Variants in ACTR3C observed in about 807,000 individuals in gnomAD.
ACTR3C encodes the protein actin related protein 3C.
ACTR3C carries 18 observed loss-of-function variants against 26.3 expected under a neutral mutation model. That is an observed-to-expected ratio of 0.68 (90% CI 0.47 to 1.01). The LOEUF (loss-of-function observed/expected upper bound fraction) is 1.01, where lower values mean the gene tolerates loss of function less well. Among genes scored for constraint, ACTR3C ranks in the 50% least tolerant of loss-of-function variants. The pLI, the probability that ACTR3C is intolerant of heterozygous loss-of-function variation, is 0.00. For synonymous variants in ACTR3C, 55 were observed against 94.5 expected, an observed-to-expected ratio of 0.58 and a Z score of 2.42; for missense variants, 184 against 250.7, an observed-to-expected ratio of 0.73 and a Z score of 1.80.
At chr7:150,109,565 C>T in the ACTR3C span, among the ~76,000 whole-genome samples, 3 of 150,736 alleles carry the variant, frequency 2.0e-5, no homozygotes, top group African/African-American at 7.4e-5. Flanking sequence ...CGACCACAGT[C>T]TCGTGGCCTT....
the ACTR3C span, among the ~76,000 whole-genome samples, chr7:149,950,213 G>A: frequency 3.9e-5 from 3 of 76,306 alleles, no homozygotes; most frequent in Admixed American, 4.4e-4. Context: ...AAATATAGAG[G>A]TGACATAACA....
At chr7:150,039,696 CG>C in the ACTR3C span, among the ~76,000 whole-genome samples, 14 of 124,402 alleles carry the variant, frequency 1.1e-4, no homozygotes, top group African/African-American at 4.2e-4. Context: ...GGTCCTAAGC[CG>C]GGGGGGAAGA....
intron 1 of ACTR3C, among the ~76,000 whole-genome samples, chr7:150,307,243 C>T (rs1795866677): frequency 6.6e-6 from 1 of 152,204 alleles, no homozygotes; most frequent in Non-Finnish European, 1.5e-5. Flanking sequence ...TGGTTCATGT[C>T]AGGCCTCTGA....
chr7:150,033,919 G>A, the ACTR3C span, among the ~76,000 whole-genome samples: 8 of 151,784 alleles, frequency 5.3e-5, no homozygotes, highest in Non-Finnish European at 1.0e-4. Context: ...CGTCGCGAGG[G>A]GTGCCTCCCC....
the ACTR3C span, among the ~76,000 whole-genome samples, chr7:150,084,207 T>C: frequency 6.6e-6 from 1 of 151,440 alleles, no homozygotes; most frequent in Admixed American, 6.6e-5. Context: ...AGATGTTTTA[T>C]TACTATGTAT....
chr7:149,984,842 G>A, the ACTR3C span, among the ~76,000 whole-genome samples: 1 of 152,176 alleles, frequency 6.6e-6, no homozygotes, highest in Non-Finnish European at 1.5e-5. Context: ...GGGAGTAAAG[G>A]AGGGCAAATT....
chr7:149,907,478 T>TTCTCTCTCTCTCTCTCTCTCTCTCTC, the ACTR3C span, among the ~76,000 whole-genome samples: 9 of 97,606 alleles, frequency 9.2e-5, no homozygotes, highest in African/African-American at 3.2e-4. Flanking sequence ...CTCTCTTCTC[T>TTCTCTCTCTCTCTCTCTCTCTCTCTC]TCTCTCTCTC....
chr7:150,155,253 C>T, the ACTR3C span, among the ~76,000 whole-genome samples: 5 of 152,204 alleles, frequency 3.3e-5, no homozygotes, highest in South Asian at 4.2e-4. Context: ...AAAACACCAC[C>T]GAAGCAGCAT....
At chr7:150,250,202 C>CT (rs1192764981) in intron 6 of ACTR3C, among the ~76,000 whole-genome samples, 13,147 of 125,384 alleles carry the variant, frequency 0.1, 1,148 homozygotes, top group East Asian at 0.13. Context: ...CAGAATCTGA[C>CT]TTTTTTTTTT....
At chr7:150,294,520 G>A (rs2531044) in intron 2 of ACTR3C, among the ~76,000 whole-genome samples, 2 of 152,230 alleles carry the variant, frequency 1.3e-5, no homozygotes, top group South Asian at 2.1e-4. Flanking sequence ...GTAGTTAAAT[G>A]AATTTGGAAG....
At chr7:149,965,941 C>T in the ACTR3C span, among the ~76,000 whole-genome samples, 2 of 152,314 alleles carry the variant, frequency 1.3e-5, no homozygotes, top group South Asian at 4.1e-4. Flanking sequence ...CAGTCAGGAC[C>T]CTTGGCTCCG....
chr7:150,282,293 C>G (rs1213336722), intron 6 of ACTR3C, among the ~76,000 whole-genome samples: 2 of 151,340 alleles, frequency 1.3e-5, no homozygotes, highest in Non-Finnish European at 2.9e-5. Flanking sequence ...AGCCTACTGC[C>G]GACCACACCA....
At chr7:149,947,939 T>C in the ACTR3C span, among the ~76,000 whole-genome samples, 1 of 151,798 alleles carries the variant, frequency 6.6e-6, no homozygotes. Context: ...TTTCCTCGTG[T>C]CAATGTTATA....
chr7:150,249,129 C>G, intron 6 of ACTR3C, 75 bp from the exon 7 acceptor site: 2 of 482,770 alleles, frequency 4.1e-6, no homozygotes, highest in East Asian at 3.2e-5. Flanking sequence ...CATTTGTATA[C>G]TTGGAGTCCA....
the ACTR3C span, among the ~76,000 whole-genome samples, chr7:150,213,909 C>A: frequency 6.9e-6 from 1 of 144,022 alleles, no homozygotes; most frequent in Admixed American, 7.0e-5. Context: ...AACAAGAAAG[C>A]TTCACAAAGA....
chr7:149,986,735 C>T, the ACTR3C span, among the ~76,000 whole-genome samples: 1 of 152,092 alleles, frequency 6.6e-6, no homozygotes, highest in African/African-American at 2.4e-5. Flanking sequence ...CCATTGGTAG[C>T]CTGAAAGCCA....
the ACTR3C span, among the ~76,000 whole-genome samples, chr7:150,078,470 T>C: frequency 2.8e-4 from 42 of 150,346 alleles, no homozygotes; most frequent in African/African-American, 1.0e-3. Flanking sequence ...AGCATCTTTG[T>C]AGATCCTCTT....
the ACTR3C span, among the ~76,000 whole-genome samples, chr7:149,980,938 GT>G: frequency 1.3e-5 from 2 of 151,412 alleles, no homozygotes; most frequent in African/African-American, 4.9e-5. Context: ...CTCAAATGAG[GT>G]TACCTTATGC....
At chr7:149,975,605 G>A in the ACTR3C span, among the ~76,000 whole-genome samples, 1 of 152,010 alleles carries the variant, frequency 6.6e-6, no homozygotes, top group African/African-American at 2.4e-5. Flanking sequence ...GAATATTACC[G>A]GATTAGTCCG....
Sources: gnomAD v4.1 joint callset for allele counts (sites outside exome capture counted in the v4.1 genomes callset) on GRCh38, gnomAD v4.1.1 for gene constraint, MANE v1.5 for transcripts, NCBI Gene and HGNC (gene_info 2026-07-23, HGNC 2026-07-21) for gene names.